CADM2: variants seen among roughly 807,000 people sequenced by gnomAD.
CADM2 encodes the protein cell adhesion molecule 2.
Under a neutral mutation model 49.8 loss-of-function variants are expected in CADM2, and 12 were observed. The observed-to-expected ratio is 0.24, with a 90% CI of 0.15 to 0.39. The LOEUF (loss-of-function observed/expected upper bound fraction) is 0.39, where lower values mean the gene tolerates loss of function less well. CADM2 is among the 10% of genes least tolerant of loss of function. CADM2 has a pLI of 1.00. For synonymous variants in CADM2, 214 were observed against 175.4 expected (o/e 1.22, Z -1.74); for missense variants, 378 against 492.3 (o/e 0.77, Z 2.20).
rs117133116 is a variant in CADM2 at position 85,650,764 on chromosome 3, C to T, written c.62-75758C>T. Among the ~76,000 whole-genome samples, 751 of 151,678 alleles carry T rather than the reference C, an allele frequency of 5.0e-3. 5 individuals carry two copies. The highest frequency in any genetic ancestry group is 0.022 in the East Asian group (112 of 5,152). On this transcript the variant is annotated intron_variant, in intron 1 of 9. Transcript: ENST00000383699. ...TACTCTAGTCTAAATGATATGATTACAGGTGATTTATTTTCTTCCTGGGAC... is the reference window on the plus strand; with the variant it reads ...TACTCTAGTCTAAATGATATGATTATAGGTGATTTATTTTCTTCCTGGGAC...
At chr3:85,743,781 G>T (rs773492799) in intron 2 of CADM2, among the ~76,000 whole-genome samples, 2 of 152,096 alleles carry the variant, frequency 1.3e-5, no homozygotes, top group Admixed American at 1.3e-4. Flanking sequence ...CCTCAAAAGA[G>T]ATTCTAAAGT....
At chr3:86,064,032 A>C (rs181558086) in intron 8 of CADM2, among the ~76,000 whole-genome samples, 1 of 147,226 alleles carries the variant, frequency 6.8e-6, no homozygotes, top group African/African-American at 2.5e-5. Context: ...TGACCTTTTC[A>C]CTTCTTTTTT....
chr3:85,460,584 T>A (rs192143991), intron 1 of CADM2, among the ~76,000 whole-genome samples: 1 of 152,178 alleles, frequency 6.6e-6, no homozygotes, highest in African/African-American at 2.4e-5. Flanking sequence ...AAAGTCTCCA[T>A]TGTGATATTT....
At chr3:85,999,266 A>AG (rs1223381476) in intron 8 of CADM2, among the ~76,000 whole-genome samples, 5 of 104,396 alleles carry the variant, frequency 4.8e-5, no homozygotes, top group Middle Eastern at 9.2e-3. Context: ...TGGGAGGCCG[A>AG]GGGTTGGGGG....
At position 86,014,203 on chromosome 3, in the gene CADM2, A is replaced by G. The variant is rs540722320; in HGVS notation, c.971-51402A>G. The G allele has an allele frequency of 5.3e-5, 69 of 1,292,788 alleles. 1 individual carries two copies. In the East Asian group the frequency reaches 1.6e-3, roughly 30 times the overall value. 80.1% of individuals were successfully genotyped at this position (1,292,788 alleles called of 1,614,324 possible). On this transcript the variant is annotated intron_variant, in intron 8 of 9. Coordinates refer to ENST00000383699, the MANE Select transcript of CADM2 (RefSeq NM_001167675.2). ...TCAGATGGTATAAATAGTGACACAA[A>G]TATTAGATGGAGTAACTGTGTAGCT...
intron 2 of CADM2, among the ~76,000 whole-genome samples, chr3:85,737,845 A>C (rs574558323): frequency 6.6e-6 from 1 of 152,310 alleles, no homozygotes; most frequent in East Asian, 1.9e-4. Context: ...GGCGTGAGCC[A>C]CTGTGCCAGG....
chr3:84,999,978 A>G (rs1224839044), intron 1 of CADM2, among the ~76,000 whole-genome samples: 1 of 152,180 alleles, frequency 6.6e-6, no homozygotes, highest in Non-Finnish European at 1.5e-5. Flanking sequence ...GAAATTTCCT[A>G]TAAAATATTT....
chr3:85,656,475 G>A lies in CADM2; in HGVS notation c.62-70047G>A, dbSNP rs577953855. Among the ~76,000 whole-genome samples, 38 of 152,098 alleles carry A rather than the reference G, an allele frequency of 2.5e-4. No homozygotes were observed. The East Asian group carries it at 6.6e-3, about 26-fold the overall frequency. ...ACTAAATATACAAAAGATTATCCAG[G>A]AGTGGTGTCGTGCACCTGTAATCCC... On this transcript the variant is annotated intron_variant, in intron 1 of 9. Coordinates refer to ENST00000383699, the MANE Select transcript of CADM2 (RefSeq NM_001167675.2).
intron 1 of CADM2, among the ~76,000 whole-genome samples, chr3:85,411,777 A>G (rs1420457193): frequency 6.6e-6 from 1 of 152,126 alleles, no homozygotes; most frequent in Non-Finnish European, 1.5e-5. Flanking sequence ...GGATCTGAGG[A>G]GTTTGTTATG....
intron 1 of CADM2, among the ~76,000 whole-genome samples, chr3:85,574,902 G>A: frequency 6.6e-6 from 1 of 152,076 alleles, no homozygotes; most frequent in East Asian, 1.9e-4. Context: ...TTGTGACCTA[G>A]CTAATCCCAG....
At chr3:85,801,991 C>CTA in intron 2 of CADM2, 56 bp from the exon 3 acceptor site, 1 of 1,258,654 alleles carries the variant, frequency 7.9e-7, no homozygotes, top group South Asian at 2.2e-5. Flanking sequence ...AGATCTTAGG[C>CTA]AGTTAATCAT....
chr3:85,837,805 A>T (rs997395352), intron 3 of CADM2, among the ~76,000 whole-genome samples: 2 of 151,914 alleles, frequency 1.3e-5, no homozygotes, highest in African/African-American at 4.8e-5. Context: ...CCACTGTAAG[A>T]TAAAAATTAT....
At chr3:85,424,592 T>C (rs1440091802) in intron 1 of CADM2, among the ~76,000 whole-genome samples, 2 of 152,156 alleles carry the variant, frequency 1.3e-5, no homozygotes, top group Non-Finnish European at 1.5e-5. Context: ...TGTGTGTTCA[T>C]TGTTCAAGAA....
intron 8 of CADM2, among the ~76,000 whole-genome samples, chr3:86,056,418 AT>A (rs1738001131): frequency 6.6e-6 from 1 of 152,242 alleles, no homozygotes; most frequent in Non-Finnish European, 1.5e-5. Flanking sequence ...TTTCCATTTA[AT>A]TTTTGTTCTC....
chr3:86,022,536 A>G (rs781437854), intron 8 of CADM2, among the ~76,000 whole-genome samples: 5 of 152,182 alleles, frequency 3.3e-5, no homozygotes, highest in Non-Finnish European at 7.4e-5. Context: ...ACTTGTTTGT[A>G]ATATTCAATT....
At chr3:85,493,564 C>A (rs1221986980) in intron 1 of CADM2, among the ~76,000 whole-genome samples, 1 of 152,166 alleles carries the variant, frequency 6.6e-6, no homozygotes, top group East Asian at 1.9e-4. Context: ...AATAAACTGA[C>A]AAATACAAGA....
intron 3 of CADM2, among the ~76,000 whole-genome samples, chr3:85,817,159 A>G (rs940594812): frequency 6.6e-6 from 1 of 152,146 alleles, no homozygotes; most frequent in Non-Finnish European, 1.5e-5. Context: ...TTTTAGTACC[A>G]AAGTGTGGGT....
rs891529550 is a variant in CADM2, at chr3:86,073,490, G to C, written c.*6707G>C. 6.6e-6 allele frequency: 1 copy of C among 151,958 alleles called. No individual in the cohort carries two copies. The highest frequency in any genetic ancestry group is 1.5e-5 in the Non-Finnish European group (1 of 67,902). 9.4% of individuals were successfully genotyped at this position (151,958 alleles called of 1,614,324 possible). ...GTTGATATGCCTATATACTTACAAA[G>C]TATTCAATGTGTACTTAGCGGCGCT... On this transcript the variant is annotated 3_prime_UTR_variant, in exon 10 of 10. Coordinates refer to ENST00000383699, the MANE Select transcript of CADM2 (RefSeq NM_001167675.2).
intron 1 of CADM2, among the ~76,000 whole-genome samples, chr3:85,642,658 T>C (rs1577000889): frequency 2.0e-5 from 3 of 152,278 alleles, no homozygotes; most frequent in Non-Finnish European, 4.4e-5. Context: ...CAAACTTTTA[T>C]ATAGCTTTAC....
Sources: gnomAD v4.1 joint callset for allele counts (sites outside exome capture counted in the v4.1 genomes callset) on GRCh38, gnomAD v4.1.1 for gene constraint, MANE v1.5 for transcripts, NCBI Gene and HGNC (gene_info 2026-07-23, HGNC 2026-07-21) for gene names.